The following APP variants were observed in gnomAD, a reference collection of about 807,000 sequenced individuals.
APP encodes amyloid-beta precursor protein.
APP carries 31 observed loss-of-function variants against 101.4 expected under a neutral mutation model. That is an observed-to-expected ratio of 0.31 (90% CI 0.23 to 0.41). APP has a LOEUF of 0.41. Ranked by LOEUF, APP falls within the 10% of genes least tolerant of loss-of-function variation. APP has a pLI of 1.00. For synonymous variants in APP, 366 were observed against 364.4 expected (o/e 1.00, Z -0.05); for missense variants, 839 against 1,003.7 (o/e 0.84, Z 2.22).
chr21:26,130,515 C>T (rs1047399473), intron 1 of APP, among the ~76,000 whole-genome samples: 10 of 152,230 alleles, frequency 6.6e-5, no homozygotes, highest in Admixed American at 4.6e-4. Flanking sequence ...CAGCAACTCA[C>T]AACTAATGTC....
intron 14 of APP, among the ~76,000 whole-genome samples, chr21:25,906,690 C>A (rs2054220088): frequency 6.6e-6 from 1 of 152,086 alleles, no homozygotes; most frequent in Non-Finnish European, 1.5e-5. Context: ...TTTGCAGCAA[C>A]CTGTAATGAG....
chr21:25,961,477 G>T (rs1258249506), intron 11 of APP, among the ~76,000 whole-genome samples: 1 of 151,952 alleles, frequency 6.6e-6, no homozygotes, highest in East Asian at 1.9e-4. Context: ...TATTTTTGTT[G>T]AGGTTAAAAA....
At chr21:25,963,710 G>C (rs1001865268) in intron 11 of APP, among the ~76,000 whole-genome samples, 1 of 152,290 alleles carries the variant, frequency 6.6e-6, no homozygotes. Context: ...ACACTTTAGA[G>C]AGTTAAGTCT....
intron 3 of APP, among the ~76,000 whole-genome samples, chr21:26,075,126 C>A (rs2061478383): frequency 6.6e-6 from 1 of 152,186 alleles, no homozygotes; most frequent in East Asian, 1.9e-4. Context: ...GCTATTCTTT[C>A]TTTTCCCTTT....
chr21:26,065,766 C>T (rs1208939354), intron 3 of APP, among the ~76,000 whole-genome samples: 2 of 152,138 alleles, frequency 1.3e-5, no homozygotes, highest in Non-Finnish European at 2.9e-5. Flanking sequence ...TTTTTTGTTG[C>T]CTCTTTTTGA....
chr21:25,948,729 A>G (rs1374831150), intron 13 of APP, among the ~76,000 whole-genome samples: 3 of 152,228 alleles, frequency 2.0e-5, no homozygotes, highest in Admixed American at 6.5e-5. Flanking sequence ...AGAGAAGCAC[A>G]CTTTGATAAA....
intron 8 of APP, among the ~76,000 whole-genome samples, chr21:25,992,882 G>A (rs1172294052): frequency 2.6e-5 from 4 of 152,172 alleles, no homozygotes; most frequent in African/African-American, 9.6e-5. Flanking sequence ...ATTGCAGAAT[G>A]TGCTAATGGG....
chr21:25,950,730 A>AT (rs1210624304), intron 13 of APP, among the ~76,000 whole-genome samples: 2 of 152,058 alleles, frequency 1.3e-5, no homozygotes, highest in African/African-American at 4.8e-5. Flanking sequence ...CCAATGTGAG[A>AT]TAAGAGGTAG....
At chr21:26,035,028 G>C in intron 5 of APP, among the ~76,000 whole-genome samples, 1 of 152,146 alleles carries the variant, frequency 6.6e-6, no homozygotes, top group East Asian at 1.9e-4. Flanking sequence ...GCTCATGCCT[G>C]TAATTCTAGC....
intron 3 of APP, among the ~76,000 whole-genome samples, chr21:26,062,065 C>A (rs1383270711): frequency 6.6e-6 from 1 of 151,920 alleles, no homozygotes; most frequent in East Asian, 1.9e-4. Flanking sequence ...CAAAAATTAG[C>A]TGAGCATGTT....
chr21:26,169,419 G>C (rs1346835890), intron 1 of APP: 1 of 152,628 alleles, frequency 6.6e-6, no homozygotes, highest in Non-Finnish European at 1.5e-5. Context: ...TGCCAGGGAA[G>C]AGGCCGCGCC....
chr21:26,066,244 T>C (rs746046796), intron 3 of APP, among the ~76,000 whole-genome samples: 3 of 152,160 alleles, frequency 2.0e-5, no homozygotes, highest in Non-Finnish European at 4.4e-5. Context: ...GCAGTAAGGG[T>C]CTACTTAAGA....
At chr21:25,958,828 T>C (rs2041448853) in intron 11 of APP, among the ~76,000 whole-genome samples, 2 of 152,216 alleles carry the variant, frequency 1.3e-5, no homozygotes, top group Non-Finnish European at 2.9e-5. Flanking sequence ...GTGTATTGAC[T>C]GCTTCTGAAT....
chr21:25,904,799 A>G (rs1279407513), intron 15 of APP, among the ~76,000 whole-genome samples: 1 of 152,126 alleles, frequency 6.6e-6, no homozygotes, highest in African/African-American at 2.4e-5. Context: ...TTTAGGTTTC[A>G]AAGGGAAAGC....
intron 14 of APP, among the ~76,000 whole-genome samples, chr21:25,907,092 AACTT>A (rs1394673057): frequency 1.3e-5 from 2 of 152,166 alleles, no homozygotes; most frequent in East Asian, 3.8e-4. Flanking sequence ...ATGTGAAAGA[AACTT>A]ACAAATGATA....
chr21:25,889,964 G>C (rs1192054934), intron 17 of APP, among the ~76,000 whole-genome samples: 1 of 152,170 alleles, frequency 6.6e-6, no homozygotes, highest in Non-Finnish European at 1.5e-5. Flanking sequence ...ATCTTTATTT[G>C]CTCAAATATG....
At position 26,150,609 on chromosome 21, in the gene APP, A is replaced by C. The variant is rs565028410; in HGVS notation, c.57+19955T>G. On this transcript the variant is annotated intron_variant, in intron 1 of 17. Coordinates refer to ENST00000346798, the MANE Select transcript of APP (RefSeq NM_000484.4). Reference sequence around the variant, plus strand: ...TACTGATTGACATCTAGATAGACAGATAGATAGACAGATAGATAGACAGAC... The same window carrying C: ...TACTGATTGACATCTAGATAGACAGCTAGATAGACAGATAGATAGACAGAC... Among the ~76,000 whole-genome samples the C allele has an allele frequency of 8.6e-5, 13 of 150,490 alleles. No individual in the cohort carries two copies. In the South Asian group the frequency reaches 2.3e-3, roughly 27 times the overall value.
intron 3 of APP, among the ~76,000 whole-genome samples, chr21:26,059,890 C>CAAAAA (rs57594630): frequency 2.0e-4 from 14 of 70,658 alleles, no homozygotes; most frequent in South Asian, 1.4e-3. Context: ...GACTCCGTCT[C>CAAAAA]AAAAAAAAAA....
intron 2 of APP, among the ~76,000 whole-genome samples, chr21:26,109,206 G>C (rs1392914307): frequency 2.0e-5 from 3 of 152,194 alleles, no homozygotes; most frequent in Non-Finnish European, 4.4e-5. Flanking sequence ...ACCACTCTGT[G>C]CTCAACCCTT....
Sources: allele counts gnomAD v4.1 joint callset (sites outside exome capture counted in the v4.1 genomes callset), GRCh38; gene constraint gnomAD v4.1.1; transcripts MANE v1.5; gene names NCBI Gene and HGNC (gene_info 2026-07-23, HGNC 2026-07-21).